LRMDA: variants seen among roughly 807,000 people sequenced by gnomAD.
LRMDA encodes leucine-rich melanocyte differentiation-associated protein.
LRMDA carries 18 observed loss-of-function variants against 29.8 expected under a neutral mutation model. The observed-to-expected ratio is 0.60, with a 90% CI of 0.42 to 0.90. The LOEUF is 0.90. Ranked by LOEUF, LRMDA falls within the 40% of genes least tolerant of loss-of-function variation. The probability of loss-of-function intolerance (pLI) is 0.00; values close to 1 mark genes in which losing one functional copy is unlikely to be tolerated. For synonymous variants in LRMDA, 125 were observed against 109.4 expected (o/e 1.14, Z -0.89); for missense variants, 273 against 273.9 (o/e 1.00, Z 0.02).
At chr10:76,463,815 G>A (rs1321679492) in intron 6 of LRMDA, among the ~76,000 whole-genome samples, 2 of 152,050 alleles carry the variant, frequency 1.3e-5, no homozygotes, top group East Asian at 3.9e-4. Flanking sequence ...TCCCCAAATA[G>A]GATGTGAACG....
At chr10:75,587,644 C>T (rs1337525540) in intron 2 of LRMDA, among the ~76,000 whole-genome samples, 14 of 152,224 alleles carry the variant, frequency 9.2e-5, no homozygotes. Flanking sequence ...TGATGACGTA[C>T]TGGTCAAACC....
intron 2 of LRMDA, among the ~76,000 whole-genome samples, chr10:75,965,710 C>T (rs2031088592): frequency 6.6e-6 from 1 of 152,162 alleles, no homozygotes; most frequent in African/African-American, 2.4e-5. Context: ...ATCTTGACTT[C>T]TCTAAAAATA....
At chr10:76,518,906 T>G (rs1843091263) in intron 6 of LRMDA, among the ~76,000 whole-genome samples, 1 of 152,180 alleles carries the variant, frequency 6.6e-6, no homozygotes, top group African/African-American at 2.4e-5. Context: ...GACCACATCT[T>G]AAGCTATAAA....
intron 2 of LRMDA, among the ~76,000 whole-genome samples, chr10:75,578,298 A>C (rs950897683): frequency 3.3e-5 from 5 of 151,478 alleles, no homozygotes; most frequent in African/African-American, 9.7e-5. Flanking sequence ...AGATCAAAAG[A>C]GACAAAAAGG....
In LRMDA at chr10:76,397,374, G is replaced by C. The variant is rs139530571; in HGVS notation, c.601+72889G>C. 3.5e-3 allele frequency among the ~76,000 whole-genome samples: 530 copies of C among 152,284 alleles called. 1 individual carries two copies. Among genetic ancestry groups the C allele is most frequent in the African/African-American group, 0.012 (504 of 41,560 alleles). On this transcript the variant is annotated intron_variant, in intron 6 of 6. Transcript: ENST00000611255. ...GAGCTTCAGGCCAGCCAGGGAAGGG[G>C]GCAGGGGCCACTAGCATTGGGAAGC...
intron 5 of LRMDA, among the ~76,000 whole-genome samples, chr10:76,176,175 G>A (rs900494260): frequency 6.6e-6 from 1 of 152,154 alleles, no homozygotes; most frequent in Non-Finnish European, 1.5e-5. Context: ...TCTTCCACAG[G>A]TGTATGGGCT....
chr10:75,914,567 G>A (rs1845898822), intron 2 of LRMDA, among the ~76,000 whole-genome samples: 1 of 152,134 alleles, frequency 6.6e-6, no homozygotes, highest in Non-Finnish European at 1.5e-5. Context: ...CAATATCAGA[G>A]ACCCATTTTC....
At chr10:75,766,539 C>T (rs1212193839) in intron 2 of LRMDA, among the ~76,000 whole-genome samples, 3 of 152,252 alleles carry the variant, frequency 2.0e-5, no homozygotes, top group Middle Eastern at 3.4e-3. Context: ...GAACCCTTCC[C>T]TGGGATTTGC....
At chr10:75,433,920 A>G (rs1184271580) in intron 1 of LRMDA, among the ~76,000 whole-genome samples, 5 of 152,298 alleles carry the variant, frequency 3.3e-5, no homozygotes, top group South Asian at 2.1e-4. Context: ...TTTTAATGCC[A>G]CTATGGGTTG....
At chr10:75,614,132 G>A (rs972094465) in intron 2 of LRMDA, among the ~76,000 whole-genome samples, 1 of 152,044 alleles carries the variant, frequency 6.6e-6, no homozygotes, top group Non-Finnish European at 1.5e-5. Context: ...TCACCCCTTT[G>A]TCTCTCTCCC....
At chr10:75,995,592 G>T (rs1847448139) in intron 2 of LRMDA, among the ~76,000 whole-genome samples, 1 of 152,132 alleles carries the variant, frequency 6.6e-6, no homozygotes. Context: ...GAAATTACTA[G>T]CTCTTGCCAT....
chr10:75,973,232 T>G (rs575676446), intron 2 of LRMDA, among the ~76,000 whole-genome samples: 20 of 152,196 alleles, frequency 1.3e-4, no homozygotes, highest in Non-Finnish European at 2.8e-4. Context: ...CTCAAGTAAC[T>G]TGCCTAAGGC....
At chr10:75,561,413 A>G (rs1840293543) in intron 2 of LRMDA, among the ~76,000 whole-genome samples, 1 of 150,776 alleles carries the variant, frequency 6.6e-6, no homozygotes, top group Admixed American at 6.6e-5. Flanking sequence ...CGTCTATTTG[A>G]TTCTTCTTTT....
chr10:76,171,884 T>C (rs1353058194), intron 5 of LRMDA, among the ~76,000 whole-genome samples: 1 of 152,116 alleles, frequency 6.6e-6, no homozygotes, highest in African/African-American at 2.4e-5. Context: ...TGAGGCTGAG[T>C]AGTTTATAAA....
intron 6 of LRMDA, among the ~76,000 whole-genome samples, chr10:76,478,849 A>G (rs1842706472): frequency 1.3e-5 from 2 of 150,024 alleles, no homozygotes; most frequent in Admixed American, 1.3e-4. Flanking sequence ...TTGAACAATG[A>G]GAACACTTCG....
Position 76,254,378 on chromosome 10 carries a change from G to C in LRMDA, c.517-70023G>C, listed in dbSNP as rs1310734647. Among the ~76,000 whole-genome samples the C allele has an allele frequency of 9.0e-4, 130 of 144,658 alleles. 1 individual carries two copies. The highest frequency in any genetic ancestry group is 2.9e-3 in the African/African-American group (113 of 39,514). The allele number at this position is 144,658 out of a possible 152,430, so 94.9% of individuals were successfully genotyped here. A position where few individuals can be genotyped will look rare whatever the true frequency, so the allele number is the denominator to read the frequency against. ...CCTATCCTATGCTATGCTATGCTAT[G>C]CTATGCTATGCTATGCTATGCTATG... On this transcript the variant is annotated intron_variant, in intron 5 of 6. Coordinates refer to ENST00000611255, the MANE Select transcript of LRMDA (RefSeq NM_001305581.2).
At chr10:75,700,441 T>G (rs1458309602) in intron 2 of LRMDA, among the ~76,000 whole-genome samples, 1 of 150,320 alleles carries the variant, frequency 6.7e-6, no homozygotes, top group Non-Finnish European at 1.5e-5. Context: ...CTCATTCTTT[T>G]TTTTTTTTTT....
intron 6 of LRMDA, among the ~76,000 whole-genome samples, chr10:76,402,663 C>G (rs754264481): frequency 2.0e-4 from 30 of 152,240 alleles, no homozygotes; most frequent in Non-Finnish European, 3.4e-4. Context: ...CCAGCTGGTT[C>G]TTTAACACCA....
At chr10:76,184,171 C>T (rs2132212595) in intron 5 of LRMDA, among the ~76,000 whole-genome samples, 1 of 152,188 alleles carries the variant, frequency 6.6e-6, no homozygotes, top group South Asian at 2.1e-4. Flanking sequence ...GCTGGGATTA[C>T]AGGCTCGCAC....
Sources: allele counts gnomAD v4.1 joint callset (sites outside exome capture counted in the v4.1 genomes callset), GRCh38; gene constraint gnomAD v4.1.1; transcripts MANE v1.5; gene names NCBI Gene and HGNC (gene_info 2026-07-23, HGNC 2026-07-21).